SEMA3A: variants seen among roughly 807,000 people sequenced by gnomAD.
The protein encoded by SEMA3A is semaphorin-3A.
A neutral mutation model predicts 97.9 loss-of-function variants in SEMA3A; 29 were observed. The ratio of observed to expected loss-of-function variants is 0.30; its 90% CI spans 0.22 to 0.40. The LOEUF (loss-of-function observed/expected upper bound fraction) is 0.40, where lower values mean the gene tolerates loss of function less well. Among genes scored for constraint, SEMA3A ranks in the 10% least tolerant of loss-of-function variants. SEMA3A has a pLI of 1.00. For synonymous variants in SEMA3A, 321 were observed against 323.7 expected, an observed-to-expected ratio of 0.99 and a Z score of 0.09; for missense variants, 763 against 951.3, an observed-to-expected ratio of 0.80 and a Z score of 2.60.
chr7:83,983,630 AAAGT>A (rs1190377022), intron 13 of SEMA3A, among the ~76,000 whole-genome samples: 2 of 152,178 alleles, frequency 1.3e-5, no homozygotes, highest in African/African-American at 4.8e-5. Context: ...TAAAATGCCA[AAAGT>A]AACTATAAAT....
At chr7:84,088,659 A>G (rs1794463700) in intron 4 of SEMA3A, among the ~76,000 whole-genome samples, 1 of 152,150 alleles carries the variant, frequency 6.6e-6, no homozygotes, top group Non-Finnish European at 1.5e-5. Context: ...TAGAATCATT[A>G]ATTAACATTT....
rs1788319887 is a variant in SEMA3A, at chr7:83,957,580, G to C, written c.*3791C>G. The C allele has an allele frequency of 6.6e-6, 1 of 151,842 alleles. No homozygotes were observed. Among genetic ancestry groups the C allele is most frequent in the Admixed American group, 6.6e-5 (1 of 15,212 alleles). The allele number at this position is 151,842 out of a possible 1,614,324, so 9.4% of individuals were successfully genotyped here. ...TTGCGAAACTGTCCTTACTATATGG[G>C]CTGTCACATATGCTGATTTTATTCT... On this transcript the variant is annotated 3_prime_UTR_variant, in exon 17 of 17. Coordinates refer to ENST00000265362, the MANE Select transcript of SEMA3A (RefSeq NM_006080.3).
intron 3 of SEMA3A, among the ~76,000 whole-genome samples, chr7:84,298,596 G>A (rs1239676024): frequency 6.6e-6 from 1 of 152,134 alleles, no homozygotes. Context: ...AAGAGATGAG[G>A]AGGCAACAGT....
chr7:84,088,243 C>T (rs6467985), intron 4 of SEMA3A, among the ~76,000 whole-genome samples: 62,651 of 151,820 alleles, frequency 0.41, 14,785 homozygotes, highest in Admixed American at 0.52. Context: ...ATCACAAGGT[C>T]GGGAGATCGA....
chr7:84,132,300 T>C (rs1476664845), intron 2 of SEMA3A, among the ~76,000 whole-genome samples: 1 of 152,182 alleles, frequency 6.6e-6, no homozygotes, highest in Non-Finnish European at 1.5e-5. Context: ...TCATTTACCT[T>C]GTAATTCATT....
chr7:84,448,128 C>T (rs1805469549), intron 1 of SEMA3A, among the ~76,000 whole-genome samples: 2 of 152,114 alleles, frequency 1.3e-5, no homozygotes, highest in Non-Finnish European at 2.9e-5. Flanking sequence ...GGGTTCTGGG[C>T]CAGTACTGTG....
intron 1 of SEMA3A, among the ~76,000 whole-genome samples, chr7:84,159,016 C>A (rs1796940895): frequency 1.3e-5 from 2 of 150,778 alleles, no homozygotes; most frequent in African/African-American, 4.9e-5. Context: ...AAGTAGTAGG[C>A]AATTAAAAAT....
chr7:84,227,430 T>C (rs1259428137), intron 3 of SEMA3A, among the ~76,000 whole-genome samples: 1 of 152,038 alleles, frequency 6.6e-6, no homozygotes, highest in Non-Finnish European at 1.5e-5. Context: ...TTTAAATAAG[T>C]GTGTCTCGTG....
At chr7:84,478,082 C>T (rs968392890) in intron 1 of SEMA3A, among the ~76,000 whole-genome samples, 14 of 152,116 alleles carry the variant, frequency 9.2e-5, no homozygotes, top group African/African-American at 3.1e-4. Context: ...ATTTCACATT[C>T]GTTAAAATAT....
intron 2 of SEMA3A, among the ~76,000 whole-genome samples, chr7:84,341,210 T>C (rs1334860365): frequency 6.6e-6 from 1 of 152,222 alleles, no homozygotes; most frequent in Non-Finnish European, 1.5e-5. Context: ...ACATACTCTG[T>C]ACTCTCCCTT....
intron 12 of SEMA3A, among the ~76,000 whole-genome samples, chr7:83,995,711 A>G (rs1056952953): frequency 4.3e-5 from 2 of 46,952 alleles, no homozygotes; most frequent in Non-Finnish European, 7.4e-5. Context: ...GAGTAAAAAT[A>G]AAATTAAAAC....
intron 7 of SEMA3A, 128 bp downstream of exon 7, chr7:84,014,081 T>C: frequency 1.4e-6 from 1 of 713,472 alleles, no homozygotes; most frequent in Non-Finnish European, 2.3e-6. Flanking sequence ...TTATTTACCA[T>C]TTATTTGTTA....
intron 1 of SEMA3A, among the ~76,000 whole-genome samples, chr7:84,413,621 G>A (rs961799812): frequency 2.0e-5 from 3 of 151,978 alleles, no homozygotes; most frequent in Non-Finnish European, 4.4e-5. Context: ...GGGTGTCAGA[G>A]TGAGACCCTG....
At chr7:84,003,512 C>T (rs1790543389) in intron 11 of SEMA3A, among the ~76,000 whole-genome samples, 1 of 152,092 alleles carries the variant, frequency 6.6e-6, no homozygotes, top group South Asian at 2.1e-4. Context: ...TCTGTACTGA[C>T]CAATAGCCAT....
chr7:83,967,886 CAG>C (rs1415010495), intron 15 of SEMA3A, among the ~76,000 whole-genome samples: 1 of 152,132 alleles, frequency 6.6e-6, no homozygotes, highest in African/African-American at 2.4e-5. Context: ...ATGATCAAAT[CAG>C]GGTAATTACC....
intron 3 of SEMA3A, among the ~76,000 whole-genome samples, chr7:84,276,427 T>C (rs1800299320): frequency 6.6e-6 from 1 of 152,120 alleles, no homozygotes; most frequent in Non-Finnish European, 1.5e-5. Context: ...ATATAGCATA[T>C]GTTTTTCTTC....
At chr7:84,139,915 T>C (rs1156968949) in intron 1 of SEMA3A, among the ~76,000 whole-genome samples, 1 of 152,076 alleles carries the variant, frequency 6.6e-6, no homozygotes, top group Non-Finnish European at 1.5e-5. Context: ...ATTTTTATTC[T>C]ATTTATTTAT....
At chr7:84,392,006 G>A (rs1000018654) in intron 1 of SEMA3A, among the ~76,000 whole-genome samples, 4 of 149,932 alleles carry the variant, frequency 2.7e-5, no homozygotes, top group South Asian at 2.1e-4. Flanking sequence ...TATATTTATC[G>A]AGTATAAAGT....
At chr7:83,978,851 C>G (rs144192876) in intron 14 of SEMA3A, among the ~76,000 whole-genome samples, 3 of 152,242 alleles carry the variant, frequency 2.0e-5, no homozygotes, top group African/African-American at 7.2e-5. Context: ...TTTTTAAAGA[C>G]AGCGTGTCAC....
Sources: allele counts gnomAD v4.1 joint callset (sites outside exome capture counted in the v4.1 genomes callset), GRCh38; gene constraint gnomAD v4.1.1; transcripts MANE v1.5; gene names NCBI Gene and HGNC (gene_info 2026-07-23, HGNC 2026-07-21).